CPS1: variants seen among roughly 807,000 people sequenced by gnomAD.
CPS1 encodes carbamoyl-phosphate synthase 1.
In CPS1, 109 loss-of-function variants were observed where a neutral mutation model predicts 174.6. That is an observed-to-expected ratio of 0.62 (90% CI 0.53 to 0.73). The LOEUF is 0.73. Among genes scored for constraint, CPS1 ranks in the 30% least tolerant of loss-of-function variants. CPS1 has a pLI of 0.00. For synonymous variants in CPS1, 637 were observed against 632.0 expected (o/e 1.01, Z -0.12); for missense variants, 1,689 against 1,821.9 (o/e 0.93, Z 1.33).
chr2:210,677,388 G>A (rs955288557), intron 37 of CPS1, among the ~76,000 whole-genome samples: 16 of 152,140 alleles, frequency 1.1e-4, no homozygotes, highest in African/African-American at 3.1e-4. Context: ...ATTATCCTTT[G>A]AATAAAAAGT....
chr2:210,649,986 G>T (rs181628360), intron 27 of CPS1, among the ~76,000 whole-genome samples: 3 of 152,322 alleles, frequency 2.0e-5, no homozygotes, highest in Non-Finnish European at 4.4e-5. Flanking sequence ...TGAAGAAACA[G>T]GTTAGGGAAA....
At chr2:210,614,972 G>T (rs182395678) in intron 20 of CPS1, among the ~76,000 whole-genome samples, 1 of 151,746 alleles carries the variant, frequency 6.6e-6, no homozygotes, top group Admixed American at 6.6e-5. Flanking sequence ...ATCATGGCCC[G>T]TGTATACCTA....
chr2:210,581,064 C>T (rs536724407), intron 5 of CPS1, among the ~76,000 whole-genome samples: 1 of 152,182 alleles, frequency 6.6e-6, no homozygotes, highest in South Asian at 2.1e-4. Flanking sequence ...TATCCCACCT[C>T]TGATTTTATT....
chr2:210,675,165 G>T (rs1392785758), intron 35 of CPS1, among the ~76,000 whole-genome samples: 1 of 152,144 alleles, frequency 6.6e-6, no homozygotes, highest in African/African-American at 2.4e-5. Context: ...AAATTCAATA[G>T]AAGTTGCCAG....
intron 6 of CPS1, among the ~76,000 whole-genome samples, chr2:210,584,182 C>T (rs188111887): frequency 1.3e-5 from 2 of 152,110 alleles, no homozygotes; most frequent in African/African-American, 4.8e-5. Context: ...TAGAGCTTCT[C>T]TTTCCTAGGA....
At chr2:210,478,054 C>T (rs1694452092) in intron 1 of CPS1, among the ~76,000 whole-genome samples, 1 of 152,174 alleles carries the variant, frequency 6.6e-6, no homozygotes, top group South Asian at 2.1e-4. Context: ...AAATAATATT[C>T]TTGGAACATG....
rs1559137228 is a variant in CPS1, at chr2:210,668,075, C to CGT, written c.4003-111_4003-110insGT. On this transcript the variant is annotated intron_variant, in intron 33 of 37. Coordinates refer to ENST00000233072, the MANE Select transcript of CPS1 (RefSeq NM_001875.5). ...GTAAAGTACTTTCCATTTGTGCGTGCATGTGTGTGTGTGTGTGTGTGTGTG... is the reference window on the plus strand; with the variant it reads ...GTAAAGTACTTTCCATTTGTGCGTGCGTATGTGTGTGTGTGTGTGTGTGTGTG... The CGT allele has an allele frequency of 3.1e-5, 14 of 445,922 alleles. No individual in the cohort carries two copies. In the East Asian group the frequency reaches 3.5e-4, roughly 11 times the overall value. 27.6% of individuals were successfully genotyped at this position (445,922 alleles called of 1,614,324 possible). A position where few individuals can be genotyped will look rare whatever the true frequency, so the allele number is the denominator to read the frequency against.
intron 25 of CPS1, 43 bp downstream of exon 25, chr2:210,642,708 T>C (rs901947486): frequency 5.2e-6 from 8 of 1,534,064 alleles, no homozygotes; most frequent in Non-Finnish European, 7.2e-6. Context: ...AGAAGACAGA[T>C]ATATGTAGTA....
intron 34 of CPS1, among the ~76,000 whole-genome samples, chr2:210,669,112 G>A (rs539546940): frequency 1.3e-5 from 2 of 152,130 alleles, no homozygotes; most frequent in Non-Finnish European, 2.9e-5. Context: ...AAAGTAGGGT[G>A]AAATGAATAT....
intron 1 of CPS1, among the ~76,000 whole-genome samples, chr2:210,572,432 C>A (rs923984149): frequency 2.6e-5 from 4 of 151,976 alleles, no homozygotes; most frequent in Non-Finnish European, 4.4e-5. Flanking sequence ...GAAAACATTT[C>A]TCTCTCCCTT....
upstream of CPS1, among the ~76,000 whole-genome samples, chr2:210,553,830 C>T (rs1696792338): frequency 6.6e-6 from 1 of 151,896 alleles, no homozygotes. Flanking sequence ...AATGTAAACT[C>T]CCTCACTAAT....
intron 22 of CPS1, among the ~76,000 whole-genome samples, chr2:210,638,485 G>T (rs911044708): frequency 6.6e-6 from 1 of 152,072 alleles, no homozygotes; most frequent in African/African-American, 2.4e-5. Context: ...TTTTCACTGT[G>T]TGCTCAAGGG....
intron 16 of CPS1, among the ~76,000 whole-genome samples, chr2:210,602,822 A>G (rs1698773553): frequency 1.3e-5 from 2 of 151,938 alleles, no homozygotes; most frequent in Non-Finnish European, 1.5e-5. Flanking sequence ...TGTCTAAAAT[A>G]TACATGGTAT....
chr2:210,556,006 G>A (rs1388198903), upstream of CPS1, among the ~76,000 whole-genome samples: 1 of 151,928 alleles, frequency 6.6e-6, no homozygotes, highest in African/African-American at 2.4e-5. Context: ...CTTTGCTTTA[G>A]TTGTGTTTTA....
chr2:210,670,880 C>G (rs1219369733), intron 34 of CPS1, among the ~76,000 whole-genome samples: 1 of 152,142 alleles, frequency 6.6e-6, no homozygotes, highest in East Asian at 1.9e-4. Flanking sequence ...AATCTTATAA[C>G]TAGGACTTAG....
chr2:210,597,314 T>G (rs999048709), intron 13 of CPS1, among the ~76,000 whole-genome samples: 4 of 151,852 alleles, frequency 2.6e-5, no homozygotes, highest in Admixed American at 2.6e-4. Flanking sequence ...TGACTCGTAT[T>G]GAGGAAAGAG....
chr2:210,618,876 C>T (rs1699407138), intron 21 of CPS1: 1 of 152,106 alleles, frequency 6.6e-6, no homozygotes, highest in Non-Finnish European at 1.5e-5. Flanking sequence ...CTATAGCTGA[C>T]TTACATATTG....
chr2:210,602,283 T>A lies in CPS1; in HGVS notation c.1789T>A (p.Ser597Thr). 1 of 1,612,694 alleles carries A rather than the reference T, an allele frequency of 6.2e-7. No individual in the cohort carries two copies. The highest frequency in any genetic ancestry group is 8.5e-7 in the Non-Finnish European group (1 of 1,179,122). ...CGCCTATGCACTGGGTGGGTTAGGCTCAGGCATCTGTCCCAACAGAGAGAC... is the reference window on the plus strand; with the variant it reads ...CGCCTATGCACTGGGTGGGTTAGGCACAGGCATCTGTCCCAACAGAGAGAC... ...RSAYALGGLG[S>T]GICPNRETLM... The change falls in exon 16 of 38, where the codon TCA becomes ACA. Residue 597 changes from serine (S) to threonine (T), a missense_variant. Coordinates refer to ENST00000233072, the MANE Select transcript of CPS1 (RefSeq NM_001875.5).
At chr2:210,517,631 A>T (rs1695717157) in intron 1 of CPS1, among the ~76,000 whole-genome samples, 1 of 152,008 alleles carries the variant, frequency 6.6e-6, no homozygotes, top group Non-Finnish European at 1.5e-5. Context: ...GCAAAGAAAA[A>T]TGATAGCAGT....
Sources: gnomAD v4.1 joint callset for allele counts (sites outside exome capture counted in the v4.1 genomes callset) on GRCh38, gnomAD v4.1.1 for gene constraint, MANE v1.5 for transcripts, NCBI Gene and HGNC (gene_info 2026-07-23, HGNC 2026-07-21) for gene names.